The following PPP2R3B variants were observed in gnomAD, a reference collection of about 807,000 sequenced individuals.
The protein encoded by PPP2R3B is serine/threonine-protein phosphatase 2A regulatory subunit B'' subunit beta.
In PPP2R3B, 68 loss-of-function variants were observed where a neutral mutation model predicts 72.9. That is an observed-to-expected ratio of 0.93 (90% CI 0.77 to 1.14). The LOEUF is 1.14. Among genes scored for constraint, PPP2R3B ranks in the 50% most tolerant of loss-of-function variants. The probability of loss-of-function intolerance (pLI) is 0.00; values close to 1 mark genes in which losing one functional copy is unlikely to be tolerated. For synonymous variants in PPP2R3B, 466 were observed against 375.8 expected (o/e 1.24, Z -2.78); for missense variants, 1,018 against 842.0 (o/e 1.21, Z -2.59).
chrX:353,243 G>A (rs900254752), intron 2 of PPP2R3B, among the ~76,000 whole-genome samples: 41 of 152,128 alleles, frequency 2.7e-4, no homozygotes, highest in African/African-American at 7.7e-4. Context: ...GTGTGGTGGC[G>A]CATGCCTGTA....
chrX:386,226 G>A, intron 1 of PPP2R3B, 142 bp downstream of exon 1: 1 of 494,094 alleles, frequency 2.0e-6, no homozygotes, highest in African/African-American at 2.0e-5. Context: ...GTGTGGTGGG[G>A]GGGGTCGGGG....
At chrX:344,119 A>G (rs775898068) in intron 7 of PPP2R3B, among the ~76,000 whole-genome samples, 2,260 of 31,344 alleles carry the variant, frequency 0.072, 298 homozygotes, top group Middle Eastern at 0.12. Flanking sequence ...GTGAGACCTC[A>G]CCAACGGGAG....
intron 1 of PPP2R3B, 86 bp downstream of exon 1, chrX:386,282 C>A: frequency 8.7e-7 from 1 of 1,147,952 alleles, no homozygotes; most frequent in East Asian, 3.2e-5. Flanking sequence ...CTGACGCTCG[C>A]CCACCAGCCT....
intron 1 of PPP2R3B, chrX:362,287 C>T (rs1242329345): frequency 6.5e-6 from 1 of 153,538 alleles, no homozygotes; most frequent in Non-Finnish European, 1.4e-5. Context: ...TCTACACAAC[C>T]TGCGAGGTGG....
chrX:371,820 CCCA>C (rs1356284266), intron 1 of PPP2R3B, among the ~76,000 whole-genome samples: 4 of 150,738 alleles, frequency 2.7e-5, no homozygotes, highest in Non-Finnish European at 4.4e-5. Flanking sequence ...CAACACCACC[CCCA>C]CAAATACCCC....
chrX:350,359 C>T (rs964323855), intron 2 of PPP2R3B, among the ~76,000 whole-genome samples: 5 of 152,216 alleles, frequency 3.3e-5, no homozygotes, highest in African/African-American at 1.2e-4. Flanking sequence ...CACACGTGCG[C>T]TCCCTGAAGG....
chrX:338,279 G>T, intron 12 of PPP2R3B: 1 of 487,700 alleles, frequency 2.1e-6, no homozygotes, highest in Non-Finnish European at 3.8e-6. Context: ...GGTGCCAGCC[G>T]TGGGATAAGG....
At chrX:368,075 C>G (rs947241388) in intron 1 of PPP2R3B, among the ~76,000 whole-genome samples, 4 of 152,232 alleles carry the variant, frequency 2.6e-5, no homozygotes, top group African/African-American at 9.6e-5. Context: ...CAAACTGAGC[C>G]CGCTAGGCAA....
chrX:353,597 A>T (rs1603071996), intron 2 of PPP2R3B, among the ~76,000 whole-genome samples: 1 of 152,262 alleles, frequency 6.6e-6, no homozygotes, highest in Admixed American at 6.5e-5. Flanking sequence ...CATCCCCCCG[A>T]TGCTAAACCA....
intron 3 of PPP2R3B, 122 bp from the exon 4 acceptor site, chrX:347,458 G>T: frequency 4.5e-6 from 6 of 1,345,266 alleles, no homozygotes; most frequent in Non-Finnish European, 5.3e-6. Context: ...ACACACGACG[G>T]CCAGGCCTGT....
intron 2 of PPP2R3B, among the ~76,000 whole-genome samples, chrX:349,755 G>T (rs1345970428): frequency 6.6e-6 from 1 of 152,182 alleles, no homozygotes; most frequent in African/African-American, 2.4e-5. Context: ...TCTATCAAGA[G>T]CATGAAAAAT....
chrX:345,739 C>T lies in PPP2R3B; in HGVS notation c.880-67G>A, dbSNP rs956468615. The T allele has an allele frequency of 5.1e-5, 55 of 1,084,150 alleles. No homozygotes were observed. The African/African-American group carries it at 8.6e-4, about 17-fold the overall frequency. The allele number at this position is 1,084,150 out of a possible 1,614,324, so 67.2% of individuals were successfully genotyped here. ...GGGATGCCCCAAGTCCGCCTGGCTG[C>T]GGGCGGGGCAGGGAAGGCTGGGAGG... On this transcript the variant is annotated intron_variant, in intron 6 of 12. Transcript: ENST00000390665.
intron 2 of PPP2R3B, among the ~76,000 whole-genome samples, chrX:360,260 G>T (rs1490409620): frequency 6.6e-6 from 1 of 152,230 alleles, no homozygotes; most frequent in African/African-American, 2.4e-5. Context: ...CCGGCCAGGT[G>T]CAGTGGCTCA....
intron 5 of PPP2R3B, 183 bp from the exon 6 acceptor site, chrX:346,443 G>T (rs2071215748): frequency 1.5e-6 from 1 of 658,456 alleles, no homozygotes; most frequent in Non-Finnish European, 2.5e-6. Flanking sequence ...GGAAAGCGGG[G>T]AGGGTCTGGC....
intron 1 of PPP2R3B, among the ~76,000 whole-genome samples, chrX:383,399 C>T (rs1319692346): frequency 6.6e-6 from 1 of 152,048 alleles, no homozygotes; most frequent in Non-Finnish European, 1.5e-5. Context: ...AAACAAGTTC[C>T]GACGGAACAT....
intron 1 of PPP2R3B, among the ~76,000 whole-genome samples, chrX:367,313 A>T (rs2071741417): frequency 6.6e-6 from 1 of 152,240 alleles, no homozygotes. Context: ...TTAAAAAAAA[A>T]AAGTCAATAC....
intron 1 of PPP2R3B, among the ~76,000 whole-genome samples, chrX:386,048 C>CCTGGG (rs1286507675): frequency 6.6e-6 from 1 of 152,168 alleles, no homozygotes; most frequent in Non-Finnish European, 1.5e-5. Context: ...CGCCATCGTA[C>CCTGGG]TCCAGCCTGG....
At chrX:352,471 G>A (rs1276411747) in intron 2 of PPP2R3B, among the ~76,000 whole-genome samples, 3 of 123,134 alleles carry the variant, frequency 2.4e-5, no homozygotes, top group Non-Finnish European at 5.2e-5. Context: ...CGGACTTTTA[G>A]ACCTGGCTTC....
At chrX:371,392 C>G (rs772703591) in intron 1 of PPP2R3B, among the ~76,000 whole-genome samples, 1 of 152,150 alleles carries the variant, frequency 6.6e-6, no homozygotes, top group Admixed American at 6.5e-5. Context: ...CCCCACCCCC[C>G]GAGTTTGGTT....
Sources: gnomAD v4.1 joint callset for allele counts (sites outside exome capture counted in the v4.1 genomes callset) on GRCh38, gnomAD v4.1.1 for gene constraint, MANE v1.5 for transcripts, NCBI Gene and HGNC (gene_info 2026-07-23, HGNC 2026-07-21) for gene names.